The following CHST9 variants were observed in gnomAD, a reference collection of about 807,000 sequenced individuals.
The protein encoded by CHST9 is GalNAc-4-sulfotransferase 2.
A neutral mutation model predicts 44.4 loss-of-function variants in CHST9; 41 were observed. The ratio of observed to expected loss-of-function variants is 0.92; its 90% CI spans 0.72 to 1.20. The LOEUF is 1.20. CHST9 is among the 50% of genes most tolerant of loss of function. The pLI is 0.00. For missense variants in CHST9, 504 were observed against 516.5 expected (o/e 0.98, Z 0.23); for synonymous variants, 171 against 178.4 (o/e 0.96, Z 0.33).
chr18:27,156,608 G>A (rs1047135467), intron 1 of CHST9, among the ~76,000 whole-genome samples: 1 of 152,070 alleles, frequency 6.6e-6, no homozygotes, highest in Non-Finnish European at 1.5e-5. Context: ...AAGCTTCATA[G>A]TGTTAAGATC....
intron 4 of CHST9, among the ~76,000 whole-genome samples, chr18:26,958,728 C>T (rs947203101): frequency 5.9e-5 from 9 of 152,156 alleles, no homozygotes; most frequent in African/African-American, 1.7e-4. Flanking sequence ...AAATGCTCAA[C>T]GTTACTAATT....
At chr18:27,158,318 T>C (rs1043302563) in intron 1 of CHST9, among the ~76,000 whole-genome samples, 1 of 149,712 alleles carries the variant, frequency 6.7e-6, no homozygotes, top group African/African-American at 2.5e-5. Flanking sequence ...TGTGTTCTCA[T>C]TGTTCAATTC....
intron 5 of CHST9, among the ~76,000 whole-genome samples, chr18:26,933,964 A>G (rs1039035545): frequency 2.6e-5 from 4 of 152,138 alleles, no homozygotes; most frequent in Admixed American, 2.6e-4. Context: ...ACAACAAGGA[A>G]CCCAAGGGCT....
intron 2 of CHST9, among the ~76,000 whole-genome samples, chr18:27,103,441 G>C (rs2058192205): frequency 6.6e-6 from 1 of 152,184 alleles, no homozygotes; most frequent in African/African-American, 2.4e-5. Flanking sequence ...TAATGGCTCA[G>C]TCAAGGTCCC....
rs1288906399 is a variant in CHST9, at chr18:26,910,020, T to G, written c.*6239A>C. 1 of 151,998 alleles carries G rather than the reference T, an allele frequency of 6.6e-6. No homozygotes were observed. The highest frequency in any genetic ancestry group is 1.5e-5 in the Non-Finnish European group (1 of 68,004). 9.4% of individuals were successfully genotyped at this position (151,998 alleles called of 1,614,324 possible). ...ACAGAAGAGATTTTTGGATGAAGGT[T>G]ATAGAACAGCAGTCTAGAGGCAGCA... On this transcript the variant is annotated 3_prime_UTR_variant, in exon 6 of 6. Transcript: ENST00000618847.
At chr18:27,014,277 A>C (rs1008898186) in intron 4 of CHST9, among the ~76,000 whole-genome samples, 3 of 151,952 alleles carry the variant, frequency 2.0e-5, no homozygotes, top group African/African-American at 7.3e-5. Flanking sequence ...CAACTAGCTG[A>C]ATTTAGCCTC....
intron 2 of CHST9, among the ~76,000 whole-genome samples, chr18:27,130,312 A>G (rs1404064382): frequency 1.3e-5 from 2 of 152,200 alleles, no homozygotes; most frequent in African/African-American, 4.8e-5. Flanking sequence ...CCTAGTAATT[A>G]TTTTAATCGA....
chr18:26,955,241 T>G (rs1424240502), intron 4 of CHST9, among the ~76,000 whole-genome samples: 4 of 126,208 alleles, frequency 3.2e-5, no homozygotes, highest in African/African-American at 9.6e-5. Flanking sequence ...TTTTTTTTTG[T>G]ATTTTACACA....
At chr18:27,080,485 C>A (rs1163621069) in intron 2 of CHST9, among the ~76,000 whole-genome samples, 1 of 152,028 alleles carries the variant, frequency 6.6e-6, no homozygotes, top group Non-Finnish European at 1.5e-5. Context: ...GAATGCTTGT[C>A]TTCTATAAAA....
intron 2 of CHST9, among the ~76,000 whole-genome samples, chr18:27,107,614 A>G (rs902941904): frequency 6.6e-6 from 1 of 152,174 alleles, no homozygotes; most frequent in Non-Finnish European, 1.5e-5. Flanking sequence ...TTCCTATCCA[A>G]GCATCTGTTA....
intron 2 of CHST9, among the ~76,000 whole-genome samples, chr18:27,096,916 A>G (rs1408912566): frequency 1.3e-5 from 2 of 152,042 alleles, no homozygotes; most frequent in African/African-American, 4.8e-5. Flanking sequence ...CTCTTCTCCA[A>G]CTCACTCTAT....
At chr18:27,001,726 A>C (rs2056955877) in intron 4 of CHST9, among the ~76,000 whole-genome samples, 1 of 152,168 alleles carries the variant, frequency 6.6e-6, no homozygotes, top group Non-Finnish European at 1.5e-5. Context: ...GAGGGATAGG[A>C]CAGAACTTAG....
intron 4 of CHST9, among the ~76,000 whole-genome samples, chr18:26,982,774 C>T (rs2056708205): frequency 6.6e-6 from 1 of 152,158 alleles, no homozygotes; most frequent in African/African-American, 2.4e-5. Flanking sequence ...CCTTCAAGTA[C>T]TTATTCATTT....
chr18:26,929,405 A>G, intron 5 of CHST9, among the ~76,000 whole-genome samples: 1 of 152,256 alleles, frequency 6.6e-6, no homozygotes. Context: ...AGTACCTGAC[A>G]TATAGTGTCT....
At chr18:27,047,471 A>T (rs1016530605) in intron 3 of CHST9, among the ~76,000 whole-genome samples, 2 of 151,688 alleles carry the variant, frequency 1.3e-5, no homozygotes, top group Non-Finnish European at 2.9e-5. Context: ...AATAATATTT[A>T]ACAGGAAATT....
At chr18:26,920,331 T>G (rs1280552360) in intron 5 of CHST9, among the ~76,000 whole-genome samples, 1 of 152,240 alleles carries the variant, frequency 6.6e-6, no homozygotes, top group African/African-American at 2.4e-5. Flanking sequence ...TGGCTCTTCA[T>G]TCTTCAGCTC....
intron 2 of CHST9, among the ~76,000 whole-genome samples, chr18:27,065,182 C>T (rs2057767275): frequency 6.6e-6 from 1 of 152,198 alleles, no homozygotes; most frequent in Non-Finnish European, 1.5e-5. Flanking sequence ...CAGCCAGCTA[C>T]ATTTAGTCGG....
At chr18:26,935,265 T>C (rs2055967160) in intron 5 of CHST9, 1 of 152,228 alleles carries the variant, frequency 6.6e-6, no homozygotes, top group Admixed American at 6.5e-5. Flanking sequence ...TTAGAGTTTA[T>C]GAGGCCATAA....
At chr18:27,128,718 T>C (rs1207123177) in intron 2 of CHST9, among the ~76,000 whole-genome samples, 2 of 152,250 alleles carry the variant, frequency 1.3e-5, no homozygotes, top group Admixed American at 6.5e-5. Flanking sequence ...AAATGATTTT[T>C]GGGTTATACA....
Sources: gnomAD v4.1 joint callset for allele counts (sites outside exome capture counted in the v4.1 genomes callset) on GRCh38, gnomAD v4.1.1 for gene constraint, MANE v1.5 for transcripts, NCBI Gene and HGNC (gene_info 2026-07-23, HGNC 2026-07-21) for gene names.